The following PTPA variants were observed in gnomAD, a reference collection of about 807,000 sequenced individuals.
PTPA encodes serine/threonine-protein phosphatase 2A activator.
A neutral mutation model predicts 43.6 loss-of-function variants in PTPA; 13 were observed. The ratio of observed to expected loss-of-function variants is 0.30; its 90% CI spans 0.19 to 0.47. PTPA has a LOEUF of 0.47. Among genes scored for constraint, PTPA ranks in the 20% least tolerant of loss-of-function variants. The probability of loss-of-function intolerance (pLI) is 0.99; values close to 1 mark genes in which losing one functional copy is unlikely to be tolerated. For synonymous variants in PTPA, 172 were observed against 158.2 expected (o/e 1.09, Z -0.66); for missense variants, 329 against 411.9 (o/e 0.80, Z 1.74).
At chr9:129,111,358 G>C (rs917528411), upstream of PTPA, 1 of 1,210,820 alleles carries the variant, frequency 8.3e-7, no homozygotes, top group Non-Finnish European at 1.0e-6. Context: ...CCGTCGCCCG[G>C]TTCCGCGCGT....
At chr9:129,116,631 C>T (rs536541745) in intron 1 of PTPA, among the ~76,000 whole-genome samples, 3 of 152,258 alleles carry the variant, frequency 2.0e-5, no homozygotes, top group South Asian at 2.1e-4. Context: ...GTGATCCGCC[C>T]GCCTCGGCCT....
chr9:129,142,905 G>A (rs913487589), intron 9 of PTPA: 2 of 1,483,646 alleles, frequency 1.3e-6, no homozygotes, highest in African/African-American at 2.8e-5. Flanking sequence ...GTCTGAGTCT[G>A]GCTCTCCCAT....
chr9:129,111,209 C>T (rs1848445105), upstream of PTPA: 4 of 1,123,768 alleles, frequency 3.6e-6, no homozygotes, highest in Non-Finnish European at 4.6e-6. Flanking sequence ...CCCGGAAAAA[C>T]ATGGCTGAGC....
chr9:129,123,342 G>A (rs899107682), intron 3 of PTPA, among the ~76,000 whole-genome samples: 4 of 151,986 alleles, frequency 2.6e-5, no homozygotes, highest in Non-Finnish European at 5.9e-5. Context: ...TGTGGTGACG[G>A]GCGCCTGTAG....
At position 129,130,623 on chromosome 9, in the gene PTPA, C is replaced by T. The variant is rs550765494; in HGVS notation, c.343-899C>T. Reference sequence around the variant, plus strand: ...GGCCAGGCTGATCTCGAAATCCTGGCCTCAGGTGATCCGCCCACCTTGGCC... The same window carrying T: ...GGCCAGGCTGATCTCGAAATCCTGGTCTCAGGTGATCCGCCCACCTTGGCC... On this transcript the variant is annotated intron_variant, in intron 4 of 9. Transcript: ENST00000393370. 1.7e-3 allele frequency among the ~76,000 whole-genome samples: 265 copies of T among 152,202 alleles called. 1 individual carries two copies. The highest frequency in any genetic ancestry group is 2.0e-3 in the Non-Finnish European group (138 of 68,012).
At chr9:129,144,165 A>AG (rs1445964643) in intron 9 of PTPA, among the ~76,000 whole-genome samples, 2 of 151,788 alleles carry the variant, frequency 1.3e-5, no homozygotes, top group African/African-American at 4.8e-5. Context: ...AAAGAACTCC[A>AG]GGCTGCCAGA....
intron 8 of PTPA, chr9:129,142,244 G>C: frequency 2.2e-6 from 1 of 464,312 alleles, no homozygotes; most frequent in East Asian, 3.4e-5. Context: ...CCTTGTCTCT[G>C]GCACTTGCAT....
chr9:129,134,244 T>A (rs7034860), intron 5 of PTPA, among the ~76,000 whole-genome samples: 1,583 of 150,626 alleles, frequency 0.011, 25 homozygotes, highest in African/African-American at 0.036. Context: ...CGTAATGAAA[T>A]GTAAATGTCC....
intron 7 of PTPA, 48 bp downstream of exon 7, chr9:129,136,643 G>A (rs778424213): frequency 1.5e-5 from 23 of 1,553,126 alleles, no homozygotes; most frequent in East Asian, 1.4e-4. Context: ...CCAAGGCTGC[G>A]TTCTGTGGCC....
At chr9:129,131,891 G>A (rs769676214) in intron 5 of PTPA, among the ~76,000 whole-genome samples, 9 of 152,200 alleles carry the variant, frequency 5.9e-5, no homozygotes, top group Non-Finnish European at 1.3e-4. Context: ...TGGTGCTTGC[G>A]CAGCGCTGCT....
At chr9:129,142,140 C>T (rs1850901757) in intron 8 of PTPA, 1 of 310,712 alleles carries the variant, frequency 3.2e-6, no homozygotes, top group African/African-American at 2.1e-5. Context: ...AATCAGGCCC[C>T]CTTTTTTTGG....
intron 2 of PTPA, among the ~76,000 whole-genome samples, chr9:129,122,023 G>A (rs186440216): frequency 1.3e-3 from 196 of 152,208 alleles, no homozygotes; most frequent in South Asian, 8.7e-3. Flanking sequence ...GAAAGAGAGA[G>A]GAAAAAGGGA....
chr9:129,142,923 C>G, intron 9 of PTPA: 1 of 1,462,180 alleles, frequency 6.8e-7, no homozygotes, highest in Non-Finnish European at 9.0e-7. Context: ...CATGGCATAC[C>G]TGGGAAGGGT....
chr9:129,129,220 CAGTT>C (rs1849785568), intron 4 of PTPA, 110 bp downstream of exon 4: 1 of 1,411,964 alleles, frequency 7.1e-7, no homozygotes, highest in Non-Finnish European at 9.5e-7. Flanking sequence ...ATACAAATCT[CAGTT>C]TGTTAAAATG....
At chr9:129,131,721 G>T in intron 5 of PTPA, 82 bp downstream of exon 5, 1 of 1,283,850 alleles carries the variant, frequency 7.8e-7, no homozygotes, top group South Asian at 1.3e-5. Flanking sequence ...TGGGCCCTCT[G>T]AGCAAGTGAG....
In PTPA at chr9:129,148,122, C is replaced by G. The variant is rs1851417705; in HGVS notation, c.*658C>G. The G allele has an allele frequency of 6.5e-6, 1 of 153,456 alleles. No homozygotes were observed. The highest frequency in any genetic ancestry group is 2.4e-5 in the African/African-American group (1 of 41,452). The allele number at this position is 153,456 out of a possible 1,614,324, so 9.5% of individuals were successfully genotyped here. On this transcript the variant is annotated 3_prime_UTR_variant, in exon 10 of 10. Coordinates refer to ENST00000393370, the MANE Select transcript of PTPA (RefSeq NM_178000.3). ...AGCCTCCCCCTGGCTCTTCAGTTCT[C>G]TAGCCCTTGGCTCTGCTGGGTTTCC...
chr9:129,129,984 C>G (rs1849851445), intron 4 of PTPA, among the ~76,000 whole-genome samples: 1 of 152,094 alleles, frequency 6.6e-6, no homozygotes, highest in Non-Finnish European at 1.5e-5. Flanking sequence ...GACTTGAGCT[C>G]TGGAGTTTGA....
chr9:129,141,171 A>G (rs1038332756), intron 8 of PTPA, among the ~76,000 whole-genome samples: 3 of 152,054 alleles, frequency 2.0e-5, no homozygotes, highest in African/African-American at 7.2e-5. Context: ...CTTAAATCTT[A>G]AAAGTTTTGT....
chr9:129,111,237 C>T, upstream of PTPA: 1 of 1,144,664 alleles, frequency 8.7e-7, no homozygotes, highest in Non-Finnish European at 1.1e-6. Flanking sequence ...AAACTTGACG[C>T]CCCGCACAAT....
Sources: allele counts gnomAD v4.1 joint callset (sites outside exome capture counted in the v4.1 genomes callset), GRCh38; gene constraint gnomAD v4.1.1; transcripts MANE v1.5; gene names NCBI Gene and HGNC (gene_info 2026-07-23, HGNC 2026-07-21).